Variants in CNTN4 observed in about 807,000 individuals in gnomAD.
CNTN4 encodes the protein contactin-4.
Under a neutral mutation model 122.5 loss-of-function variants are expected in CNTN4, and 77 were observed. The ratio of observed to expected loss-of-function variants is 0.63; its 90% CI spans 0.52 to 0.76. CNTN4 has a LOEUF of 0.76. Ranked by LOEUF, CNTN4 falls within the 30% of genes least tolerant of loss-of-function variation. CNTN4 has a pLI of 0.00. For missense variants in CNTN4, 1,256 were observed against 1,259.1 expected (o/e 1.00, Z 0.04); for synonymous variants, 512 against 447.0 (o/e 1.15, Z -1.83).
intron 6 of CNTN4, among the ~76,000 whole-genome samples, chr3:2,782,580 A>C (rs376735087): frequency 2.0e-5 from 3 of 151,610 alleles, no homozygotes; most frequent in African/African-American, 7.3e-5. Flanking sequence ...AAGAATTAGC[A>C]TAAGTCCCAG....
intron 2 of CNTN4, among the ~76,000 whole-genome samples, chr3:2,120,192 T>C (rs952898108): frequency 6.6e-6 from 1 of 151,526 alleles, no homozygotes; most frequent in Non-Finnish European, 1.5e-5. Flanking sequence ...GGGCTCTAAA[T>C]AGAATCATAT....
intron 3 of CNTN4, among the ~76,000 whole-genome samples, chr3:2,384,471 A>G (rs1364656284): frequency 6.6e-6 from 1 of 152,186 alleles, no homozygotes; most frequent in Non-Finnish European, 1.5e-5. Context: ...CTTAGATTTA[A>G]TGTTAGAGAA....
At chr3:2,178,371 G>A (rs1311916630) in intron 2 of CNTN4, among the ~76,000 whole-genome samples, 4 of 151,902 alleles carry the variant, frequency 2.6e-5, no homozygotes, top group Admixed American at 6.6e-5. Flanking sequence ...TAGGAAGAGT[G>A]TTTCACAAAG....
chr3:2,884,382 A>G (rs1323719934), intron 9 of CNTN4, among the ~76,000 whole-genome samples: 1 of 152,176 alleles, frequency 6.6e-6, no homozygotes, highest in African/African-American at 2.4e-5. Flanking sequence ...ATGTGTTTTC[A>G]AGTCGTGACA....
At chr3:2,870,974 C>T (rs555317690) in intron 8 of CNTN4, among the ~76,000 whole-genome samples, 3 of 152,124 alleles carry the variant, frequency 2.0e-5, no homozygotes, top group South Asian at 2.1e-4. Context: ...ACCACTCACC[C>T]GAGTCCTGCA....
rs1356160822 is a variant in CNTN4 at position 2,709,722 on chromosome 3, T to G, written c.56-26493T>G. The stretch of plus-strand genomic sequence containing the variant: ...TGAGGTCAGGAGTTCAAAATCAGCC[T>G]GGCCAACATGGTGAAACCCTCTCTC... On this transcript the variant is annotated intron_variant, in intron 4 of 24. Coordinates refer to ENST00000418658, the MANE Select transcript of CNTN4 (RefSeq NM_175607.3). This position sits in a 1 kb window ranked among gnomAD's most constrained non-coding sequence, Gnocchi z 5.0. 6.6e-6 allele frequency among the ~76,000 whole-genome samples: 1 copy of G among 152,080 alleles called. No homozygotes were observed. Among genetic ancestry groups the G allele is most frequent in the Non-Finnish European group, 1.5e-5 (1 of 68,008 alleles).
chr3:3,002,963 A>T (rs1255156387), intron 14 of CNTN4, among the ~76,000 whole-genome samples: 1 of 152,210 alleles, frequency 6.6e-6, no homozygotes, highest in African/African-American at 2.4e-5. Flanking sequence ...TGGTCATGCG[A>T]TGAGGACCTG....
rs150971020 is a variant in CNTN4, at chr3:2,136,938, G to A, written c.-145+36299G>A. ...GCATGCCATCCGGTTTTATATGATTGCTGAAATGCAAAACAAACAACCCCT... is the reference window on the plus strand; with the variant it reads ...GCATGCCATCCGGTTTTATATGATTACTGAAATGCAAAACAAACAACCCCT... On this transcript the variant is annotated intron_variant, in intron 2 of 24. Transcript: ENST00000418658. Among the ~76,000 whole-genome samples the A allele has an allele frequency of 3.4e-4, 52 of 152,214 alleles. No individual in the cohort carries two copies. In the East Asian group the frequency reaches 9.5e-3, roughly 28 times the overall value.
At position 2,812,882 on chromosome 3, in the gene CNTN4, T is replaced by A. The variant is rs62234209; in HGVS notation, c.359-6604T>A. Among the ~76,000 whole-genome samples the A allele has an allele frequency of 5.9e-5, 9 of 152,278 alleles. No homozygotes were observed. The East Asian group carries it at 1.7e-3, about 29-fold the overall frequency. On this transcript the variant is annotated intron_variant, in intron 6 of 24. Coordinates refer to ENST00000418658, the MANE Select transcript of CNTN4 (RefSeq NM_175607.3). ...TCATACAGGTAGAAAGTAAGAGTGC[T>A]AAGTTTGTACTCAGGTCCTTCTGAC...
At chr3:2,111,902 T>G (rs1465390208) in intron 2 of CNTN4, among the ~76,000 whole-genome samples, 1 of 152,170 alleles carries the variant, frequency 6.6e-6, no homozygotes, top group Non-Finnish European at 1.5e-5. Flanking sequence ...GTGGATGTTA[T>G]GATTTACAAA....
intron 10 of CNTN4, among the ~76,000 whole-genome samples, chr3:2,894,516 A>G (rs2094084351): frequency 6.6e-6 from 1 of 152,164 alleles, no homozygotes; most frequent in Non-Finnish European, 1.5e-5. Flanking sequence ...ACTTAACCTG[A>G]ATATTATTAT....
At chr3:2,618,860 A>G (rs1394482237) in intron 4 of CNTN4, among the ~76,000 whole-genome samples, 1 of 152,216 alleles carries the variant, frequency 6.6e-6, no homozygotes, top group Non-Finnish European at 1.5e-5. Flanking sequence ...ACACATTGGC[A>G]ACCTGGTATT....
intron 3 of CNTN4, among the ~76,000 whole-genome samples, chr3:2,351,531 A>G (rs902513509): frequency 6.6e-5 from 10 of 152,248 alleles, no homozygotes; most frequent in Non-Finnish European, 1.2e-4. Context: ...TTGAAAACAG[A>G]AAGTAAATAT....
intron 2 of CNTN4, among the ~76,000 whole-genome samples, chr3:2,254,139 G>T (rs1056824502): frequency 2.6e-5 from 4 of 151,296 alleles, no homozygotes; most frequent in African/African-American, 7.3e-5. Context: ...AACATGCGGT[G>T]TTGGGTTTTC....
chr3:2,856,039 T>C (rs986440686), intron 7 of CNTN4, among the ~76,000 whole-genome samples: 2 of 152,210 alleles, frequency 1.3e-5, no homozygotes, highest in Non-Finnish European at 2.9e-5. Flanking sequence ...AAGCGACTTC[T>C]TTCTCAACTA....
intron 7 of CNTN4, among the ~76,000 whole-genome samples, chr3:2,821,781 C>T (rs1487153321): frequency 6.6e-6 from 1 of 152,176 alleles, no homozygotes; most frequent in Non-Finnish European, 1.5e-5. Context: ...TTGATAAACT[C>T]TACCCTTGGA....
chr3:2,637,616 T>G (rs2082720122), intron 4 of CNTN4, among the ~76,000 whole-genome samples: 1 of 152,148 alleles, frequency 6.6e-6, no homozygotes, highest in South Asian at 2.1e-4. Context: ...TGAAGGTACC[T>G]CTGCTGTCTG....
intron 7 of CNTN4, among the ~76,000 whole-genome samples, chr3:2,857,459 C>A (rs939627020): frequency 6.6e-6 from 1 of 152,172 alleles, no homozygotes; most frequent in Non-Finnish European, 1.5e-5. Flanking sequence ...AAGAAACATT[C>A]TTTATCCCCC....
intron 7 of CNTN4, among the ~76,000 whole-genome samples, chr3:2,851,001 A>G (rs2093540523): frequency 6.6e-6 from 1 of 152,190 alleles, no homozygotes; most frequent in Admixed American, 6.5e-5. Flanking sequence ...ATTATTGAAC[A>G]TCTGTCAAAC....
Sources: gnomAD v4.1 joint callset for allele counts (sites outside exome capture counted in the v4.1 genomes callset) on GRCh38, gnomAD v4.1.1 for gene constraint, Gnocchi (gnomAD v3.1) non-coding constraint, MANE v1.5 for transcripts, NCBI Gene and HGNC (gene_info 2026-07-23, HGNC 2026-07-21) for gene names.